PAWR: variants seen among roughly 807,000 people sequenced by gnomAD.
The protein encoded by PAWR is pro-apoptotic WT1 regulator.
In PAWR, 23 loss-of-function variants were observed where a neutral mutation model predicts 32.0. That is an observed-to-expected ratio of 0.72 (90% confidence interval 0.52 to 1.02). The LOEUF (loss-of-function observed/expected upper bound fraction) is 1.02. Among genes scored for constraint, PAWR ranks in the 50% least tolerant of loss-of-function variants. The pLI is 0.00. For synonymous variants in PAWR, 226 were observed against 187.1 expected (o/e 1.21, Z -1.70); for missense variants, 457 against 437.7 (o/e 1.04, Z -0.39).
chr12:79,611,842 A>G (rs1874454140), intron 4 of PAWR, among the ~76,000 whole-genome samples: 1 of 152,178 alleles, frequency 6.6e-6, no homozygotes, highest in South Asian at 2.1e-4. Flanking sequence ...CACAGAGAAT[A>G]AATTTGCCTT....
intron 2 of PAWR, among the ~76,000 whole-genome samples, chr12:79,678,641 C>G (rs1357526848): frequency 2.6e-5 from 4 of 152,248 alleles, no homozygotes; most frequent in African/African-American, 9.6e-5. Flanking sequence ...CATGGAAAGC[C>G]TTCTGTGCAG....
At chr12:79,601,568 C>G (rs181559270) in intron 4 of PAWR, among the ~76,000 whole-genome samples, 1 of 151,960 alleles carries the variant, frequency 6.6e-6, no homozygotes, top group Non-Finnish European at 1.5e-5. Context: ...TAATTACATA[C>G]CCATGTTGGT....
chr12:79,654,093 T>C (rs1876982585), intron 2 of PAWR, among the ~76,000 whole-genome samples: 1 of 152,136 alleles, frequency 6.6e-6, no homozygotes, highest in Non-Finnish European at 1.5e-5. Flanking sequence ...GCTGTAAACA[T>C]GAGAGAGGAA....
At chr12:79,606,098 C>A (rs1874171721) in intron 4 of PAWR, among the ~76,000 whole-genome samples, 1 of 151,926 alleles carries the variant, frequency 6.6e-6, no homozygotes, top group African/African-American at 2.4e-5. Flanking sequence ...AACAAAAAAA[C>A]CCAAGAAAGC....
rs373301613 is a variant in PAWR at position 79,642,378 on chromosome 12, AT to A, written c.517-21172del. On this transcript the variant is annotated intron_variant, in intron 2 of 6. Transcript: ENST00000328827. ...CACATGCCTACATTAGGTCAGATGT[AT>A]TACTAAATAGTTTGCTTTTGCTGCC... 4.8e-3 allele frequency among the ~76,000 whole-genome samples: 736 copies of A among 152,340 alleles called. 6 individuals carry two copies. The highest frequency in any genetic ancestry group is 0.017 in the African/African-American group (699 of 41,574).
intron 2 of PAWR, among the ~76,000 whole-genome samples, chr12:79,638,683 G>A (rs1876086430): frequency 6.6e-6 from 1 of 150,734 alleles, no homozygotes; most frequent in Admixed American, 6.6e-5. Context: ...TATGAATAAT[G>A]GCTCCGACTG....
rs2136665027 is a variant in PAWR at position 79,586,906 on chromosome 12, C to CTG, written c.*5700_*5701insCA. On this transcript the variant is annotated 3_prime_UTR_variant, in exon 7 of 7. Coordinates refer to ENST00000328827, the MANE Select transcript of PAWR (RefSeq NM_002583.4). ...AAAGGATCTTATAACCAGTCTCTCT[C>CTG]TTTAATATGAAGGCCCAACATTACA... The CTG allele has an allele frequency of 6.6e-6, 1 of 152,184 alleles. No homozygotes were observed. The highest frequency in any genetic ancestry group is 1.9e-4 in the East Asian group (1 of 5,182). The allele number at this position is 152,184 out of a possible 1,614,324, so 9.4% of individuals were successfully genotyped here.
intron 2 of PAWR, among the ~76,000 whole-genome samples, chr12:79,675,127 C>T (rs1878099827): frequency 6.6e-6 from 1 of 152,172 alleles, no homozygotes; most frequent in Non-Finnish European, 1.5e-5. Flanking sequence ...CCTGTAATCA[C>T]AGCACTTTGG....
At chr12:79,645,067 C>A (rs564379360) in intron 2 of PAWR, among the ~76,000 whole-genome samples, 64 of 151,418 alleles carry the variant, frequency 4.2e-4, no homozygotes, top group East Asian at 3.7e-3. Context: ...CACACACACA[C>A]AAAAATCAAT....
At position 79,591,649 on chromosome 12, in the gene PAWR, A is replaced by G. The variant is rs540188364; in HGVS notation, c.*958T>C. The G allele has an allele frequency of 1.3e-5, 2 of 152,168 alleles. No homozygotes were observed. The highest frequency in any genetic ancestry group is 4.8e-5 in the African/African-American group (2 of 41,462). The allele number at this position is 152,168 out of a possible 1,614,324, so 9.4% of individuals were successfully genotyped here. ...CTCTCATATGAAAAAACTGTGTCCCAGTGTTATTCTTCAACTTAGAAATTA... is the reference window on the plus strand; with the variant it reads ...CTCTCATATGAAAAAACTGTGTCCCGGTGTTATTCTTCAACTTAGAAATTA... On this transcript the variant is annotated 3_prime_UTR_variant, in exon 7 of 7. Transcript: ENST00000328827.
intron 2 of PAWR, among the ~76,000 whole-genome samples, chr12:79,661,248 CAA>C (rs397967995): frequency 2.4e-4 from 17 of 71,484 alleles, no homozygotes; most frequent in Non-Finnish European, 3.7e-4. Context: ...GACTCTGTCT[CAA>C]AAAAAAAAAA....
At chr12:79,621,242 C>T (rs1020962473) in intron 2 of PAWR, 35 bp from the exon 3 acceptor site, 5 of 1,487,246 alleles carry the variant, frequency 3.4e-6, no homozygotes, top group Non-Finnish European at 4.6e-6. Flanking sequence ...TTTATTTCTA[C>T]TATTAATAGA....
intron 2 of PAWR, chr12:79,688,467 T>TAAAAA (rs11333665): frequency 2.0e-5 from 2 of 102,390 alleles, no homozygotes; most frequent in Non-Finnish European, 2.3e-5. Flanking sequence ...TATTTTTAAC[T>TAAAAA]AAAAAAAAAA....
intron 2 of PAWR, among the ~76,000 whole-genome samples, chr12:79,651,876 T>C (rs546863294): frequency 1.6e-4 from 25 of 152,256 alleles, no homozygotes; most frequent in African/African-American, 3.9e-4. Flanking sequence ...AAGCTACCAA[T>C]GAATGAAGTG....
chr12:79,632,341 A>ATG (rs1875721917), intron 2 of PAWR, among the ~76,000 whole-genome samples: 3 of 57,046 alleles, frequency 5.3e-5, no homozygotes, highest in African/African-American at 3.7e-4. Context: ...ATATATATAT[A>ATG]TATATATATA....
chr12:79,624,330 G>GA lies in PAWR; in HGVS notation c.517-3124dup, dbSNP rs769483496. Among the ~76,000 whole-genome samples the GA allele has an allele frequency of 7.2e-5, 11 of 152,068 alleles. 1 individual carries two copies. The highest frequency in any genetic ancestry group is 3.9e-4 in the Admixed American group (6 of 15,260). On this transcript the variant is annotated intron_variant, in intron 2 of 6. Coordinates refer to ENST00000328827, the MANE Select transcript of PAWR (RefSeq NM_002583.4). Reference sequence around the variant, plus strand: ...CTTACCAGTATATTAAAAGAAAAAAGAAAGGAAGAAACAAAACACTCGGTA... The same window carrying GA: ...CTTACCAGTATATTAAAAGAAAAAAGAAAAGGAAGAAACAAAACACTCGGTA...
chr12:79,596,577 A>C lies in PAWR; in HGVS notation c.765T>G (p.Asp255Glu), dbSNP rs748229220. 13 of 1,592,838 alleles carry C rather than the reference A, an allele frequency of 8.2e-6. No individual in the cohort carries two copies. In the East Asian group the frequency reaches 2.5e-4, roughly 30 times the overall value. Residue 255 changes from aspartate to glutamate, a missense_variant, in exon 5 of 7, where the codon GAT becomes GAG. Physicochemically the swap from Asp to Glu is conservative, Grantham distance 45. Transcript: ENST00000328827. ...DRSGFPRYNR[D>E]ANVSGTLVSS... ...AAACCAGAGTACCTGAAACATTTGC[A>C]TCCCTGTTATATCTAGGGAACCCAC... is the stretch of plus-strand genomic sequence containing the variant.
At chr12:79,601,312 G>A (rs1038454872) in intron 4 of PAWR, among the ~76,000 whole-genome samples, 4 of 150,374 alleles carry the variant, frequency 2.7e-5, no homozygotes. Flanking sequence ...CAAATTCCTG[G>A]GCCCAAGCAA....
At chr12:79,626,060 A>C (rs530680543) in intron 2 of PAWR, among the ~76,000 whole-genome samples, 2 of 138,598 alleles carry the variant, frequency 1.4e-5, no homozygotes, top group African/African-American at 5.2e-5. Flanking sequence ...GCTACTCGGG[A>C]GGCTGAGGCA....
Sources: allele counts gnomAD v4.1 joint callset (sites outside exome capture counted in the v4.1 genomes callset), GRCh38; gene constraint gnomAD v4.1.1; transcripts MANE v1.5; gene names NCBI Gene and HGNC (gene_info 2026-07-23, HGNC 2026-07-21).